The following CSMD1 variants were observed in gnomAD, a reference collection of about 807,000 sequenced individuals.
The protein encoded by CSMD1 is CUB and sushi domain-containing protein 1.
CSMD1 carries 213 observed loss-of-function variants against 417.5 expected under a neutral mutation model. The observed-to-expected ratio is 0.51, with a 90% confidence interval of 0.46 to 0.57. CSMD1 has a LOEUF of 0.57. Among genes scored for constraint, CSMD1 ranks in the 20% least tolerant of loss-of-function variants. The probability of loss-of-function intolerance (pLI) is 0.00; values close to 1 mark genes in which losing one functional copy is unlikely to be tolerated. For missense variants in CSMD1, 6,923 were observed against 4,529.7 expected, an observed-to-expected ratio of 1.53 and a Z score of -15.17; for synonymous variants, 2,862 against 1,736.8, an observed-to-expected ratio of 1.65 and a Z score of -16.11.
intron 3 of CSMD1, among the ~76,000 whole-genome samples, chr8:4,177,126 C>T (rs945289350): frequency 1.1e-4 from 16 of 152,274 alleles, no homozygotes; most frequent in African/African-American, 3.9e-4. Context: ...ACAGAATATA[C>T]ATGTTTTTCA....
At chr8:4,356,522 T>A (rs1350022535) in intron 3 of CSMD1, among the ~76,000 whole-genome samples, 1 of 152,196 alleles carries the variant, frequency 6.6e-6, no homozygotes, top group East Asian at 1.9e-4. Context: ...TGTTGTTCTT[T>A]TGTTGAAGTC....
At position 3,613,543 on chromosome 8, in the gene CSMD1, GA is replaced by G. The variant is rs573150107; in HGVS notation, c.1097+3166del. On this transcript the variant is annotated intron_variant, in intron 8 of 69. Transcript: ENST00000635120. ...AGTCAAATTCAACAATCCATAAAAAGAAAAAAACATCATTACAAATTAATAT... is the reference window on the plus strand; with the variant it reads ...AGTCAAATTCAACAATCCATAAAAAGAAAAAACATCATTACAAATTAATAT... Among the ~76,000 whole-genome samples, 33 of 151,498 alleles carry G rather than the reference GA, an allele frequency of 2.2e-4. No homozygotes were observed. In the South Asian group the frequency reaches 6.7e-3, roughly 31 times the overall value.
chr8:3,186,353 TA>T (rs1436447118), intron 36 of CSMD1, among the ~76,000 whole-genome samples: 2 of 152,308 alleles, frequency 1.3e-5, no homozygotes, highest in Admixed American at 6.5e-5. Flanking sequence ...TTCTAGCTTT[TA>T]AGGACAGTAA....
intron 2 of CSMD1, among the ~76,000 whole-genome samples, chr8:4,513,623 G>T (rs369911339): frequency 2.8e-3 from 424 of 152,282 alleles, no homozygotes; most frequent in African/African-American, 9.5e-3. Flanking sequence ...AAATTTTGAA[G>T]ATGAAACAAT....
chr8:4,827,342 G>T (rs1326169584), intron 1 of CSMD1, among the ~76,000 whole-genome samples: 1 of 152,144 alleles, frequency 6.6e-6, no homozygotes, highest in Non-Finnish European at 1.5e-5. Context: ...AAGGCTAGAA[G>T]AGCACACTAA....
intron 3 of CSMD1, among the ~76,000 whole-genome samples, chr8:4,355,485 G>A (rs1245353708): frequency 1.3e-5 from 2 of 152,108 alleles, no homozygotes; most frequent in Admixed American, 6.6e-5. Context: ...TTTATTAAAA[G>A]TAGAGTGAAT....
chr8:3,826,809 C>A (rs1361313620), intron 5 of CSMD1, among the ~76,000 whole-genome samples: 1 of 152,074 alleles, frequency 6.6e-6, no homozygotes, highest in Non-Finnish European at 1.5e-5. Context: ...TTTTTTGAGA[C>A]AGGGTCTCAC....
At chr8:3,723,559 C>A (rs1272324044) in intron 6 of CSMD1, among the ~76,000 whole-genome samples, 1 of 152,084 alleles carries the variant, frequency 6.6e-6, no homozygotes, top group Admixed American at 6.6e-5. Flanking sequence ...CTATTGTTAC[C>A]TAAACAATTA....
At chr8:4,029,033 T>A (rs1392382133) in intron 4 of CSMD1, among the ~76,000 whole-genome samples, 1 of 152,204 alleles carries the variant, frequency 6.6e-6, no homozygotes, top group Admixed American at 6.5e-5. Flanking sequence ...GGGCACTAAC[T>A]TACAATCACC....
intron 1 of CSMD1, among the ~76,000 whole-genome samples, chr8:4,954,478 T>C (rs1244925852): frequency 1.3e-5 from 2 of 152,180 alleles, no homozygotes; most frequent in Admixed American, 6.6e-5. Context: ...ATGACTGAAA[T>C]TGATCACGTG....
intron 3 of CSMD1, among the ~76,000 whole-genome samples, chr8:4,109,817 A>G (rs1801758822): frequency 6.6e-6 from 1 of 152,210 alleles, no homozygotes; most frequent in Non-Finnish European, 1.5e-5. Context: ...GGGTGTTACC[A>G]TAAATACTTA....
intron 5 of CSMD1, among the ~76,000 whole-genome samples, chr8:3,863,925 G>C (rs1308658523): frequency 2.0e-5 from 3 of 152,172 alleles, no homozygotes; most frequent in Non-Finnish European, 4.4e-5. Flanking sequence ...AGAAGCTTAT[G>C]GAAAAATGAC....
At chr8:3,505,497 T>A (rs1796786868) in intron 10 of CSMD1, among the ~76,000 whole-genome samples, 1 of 152,174 alleles carries the variant, frequency 6.6e-6, no homozygotes, top group Non-Finnish European at 1.5e-5. Flanking sequence ...TAAAAGTGCT[T>A]CATTATGGCC....
In CSMD1 at chr8:4,618,200, TC is replaced by T. The variant is rs922883902; in HGVS notation, c.302+19141del. Among the ~76,000 whole-genome samples, 12 of 151,968 alleles carry T rather than the reference TC, an allele frequency of 7.9e-5. 1 individual carries two copies. The highest frequency in any genetic ancestry group is 2.7e-4 in the African/African-American group (11 of 41,368). On this transcript the variant is annotated intron_variant, in intron 2 of 69. Coordinates refer to ENST00000635120, the MANE Select transcript of CSMD1 (RefSeq NM_033225.6). Reference sequence around the variant, plus strand: ...TAAGATGTGCATGTGACCAACAATTTCCCCCATCTGGAAAGACTCATCCTAC... The same window carrying T: ...TAAGATGTGCATGTGACCAACAATTTCCCCATCTGGAAAGACTCATCCTAC...
At chr8:4,617,523 T>A (rs1380427299) in intron 2 of CSMD1, among the ~76,000 whole-genome samples, 1 of 152,074 alleles carries the variant, frequency 6.6e-6, no homozygotes, top group Non-Finnish European at 1.5e-5. Flanking sequence ...TGCTATGAGG[T>A]TTCTGTCTGG....
At chr8:4,845,492 C>G (rs1185013305) in intron 1 of CSMD1, among the ~76,000 whole-genome samples, 4 of 152,190 alleles carry the variant, frequency 2.6e-5, no homozygotes, top group African/African-American at 9.7e-5. Flanking sequence ...GACAATTCAC[C>G]AATTTTGAAG....
chr8:4,070,575 T>C (rs924831606), intron 3 of CSMD1, among the ~76,000 whole-genome samples: 1 of 152,134 alleles, frequency 6.6e-6, no homozygotes, highest in African/African-American at 2.4e-5. Flanking sequence ...GCCAGGATGG[T>C]CTCGTTCTCC....
At chr8:4,356,746 G>T (rs546207452) in intron 3 of CSMD1, among the ~76,000 whole-genome samples, 7 of 152,006 alleles carry the variant, frequency 4.6e-5, no homozygotes, top group Admixed American at 3.9e-4. Flanking sequence ...CACCTTCTCC[G>T]GCCGTGAATG....
At chr8:4,690,031 G>C (rs778141933) in intron 1 of CSMD1, among the ~76,000 whole-genome samples, 6 of 152,224 alleles carry the variant, frequency 3.9e-5, no homozygotes, top group Non-Finnish European at 8.8e-5. Flanking sequence ...TGGGTTTAGA[G>C]AAGAGAATGG....
Sources: allele counts gnomAD v4.1 joint callset (sites outside exome capture counted in the v4.1 genomes callset), GRCh38; gene constraint gnomAD v4.1.1; transcripts MANE v1.5; gene names NCBI Gene and HGNC (gene_info 2026-07-23, HGNC 2026-07-21).